RUFY4: variants seen among roughly 807,000 people sequenced by gnomAD.
The protein encoded by RUFY4 is RUN and FYVE domain containing 4.
RUFY4 carries 73 observed loss-of-function variants against 69.0 expected under a neutral mutation model. That is an observed-to-expected ratio of 1.06 (90% CI 0.88 to 1.29). The LOEUF (loss-of-function observed/expected upper bound fraction) is 1.29, where lower values mean the gene tolerates loss of function less well. Ranked by LOEUF, RUFY4 falls within the 50% of genes most tolerant of loss-of-function variation. The probability of loss-of-function intolerance (pLI) is 0.00; values close to 1 mark genes in which losing one functional copy is unlikely to be tolerated. For synonymous variants in RUFY4, 287 were observed against 271.8 expected (o/e 1.06, Z -0.55); for missense variants, 770 against 705.6 (o/e 1.09, Z -1.03).
intron 8 of RUFY4, among the ~76,000 whole-genome samples, chr2:218,081,756 C>G (rs972236496): frequency 2.0e-5 from 3 of 152,202 alleles, no homozygotes; most frequent in Non-Finnish European, 4.4e-5. Flanking sequence ...GGCCCTGCTT[C>G]GTGCCTGAGC....
exon 1 of RUFY4, chr2:218,070,628 T>C: frequency 1.3e-6 from 2 of 1,537,598 alleles, no homozygotes; most frequent in Middle Eastern, 1.7e-4. Context: ...GGAGCCATCC[T>C]CAAGGTCACC....
rs867510482 is a variant in RUFY4, at chr2:218,036,175, C to T, written c.-1158+781C>T. Among the ~76,000 whole-genome samples, 5 of 152,366 alleles carry T rather than the reference C, an allele frequency of 3.3e-5. No individual in the cohort carries two copies. The South Asian group carries it at 8.3e-4, about 25-fold the overall frequency. ...TGGGACAAAGATATTAAACAATTAG[C>T]ACAGTGTCGTCGCCCAGGGACTGCT... On this transcript the variant is annotated intron_variant and NMD_transcript_variant, in intron 2 of 13. Coordinates refer to the RUFY4 transcript ENST00000457754.
At chr2:218,039,487 GA>G (rs1192394727) in intron 2 of RUFY4, among the ~76,000 whole-genome samples, 1 of 152,204 alleles carries the variant, frequency 6.6e-6, no homozygotes, top group Non-Finnish European at 1.5e-5. Flanking sequence ...ACACAAAGAT[GA>G]ATGGAAGAGG....
intron 3 of RUFY4, chr2:218,060,076 A>AT: frequency 1.0e-5 from 3 of 291,010 alleles, no homozygotes; most frequent in South Asian, 2.5e-4. Context: ...ACTTCTTAGA[A>AT]CATAGAGTGC....
chr2:218,089,120 C>A (rs1559440169), intron 9 of RUFY4, 132 bp from the exon 12 acceptor site: 16 of 676,360 alleles, frequency 2.4e-5, no homozygotes, highest in Middle Eastern at 2.5e-4. Flanking sequence ...CCTCCATCAC[C>A]CTCTCTGTCT....
At chr2:218,088,094 G>T (rs1689935186) in intron 9 of RUFY4, among the ~76,000 whole-genome samples, 1 of 152,102 alleles carries the variant, frequency 6.6e-6, no homozygotes, top group African/African-American at 2.4e-5. Context: ...AAAGAGAGGG[G>T]AGGCCTTTTG....
At chr2:218,052,761 C>T (rs1440316081) in intron 2 of RUFY4, among the ~76,000 whole-genome samples, 19 of 148,310 alleles carry the variant, frequency 1.3e-4, no homozygotes, top group African/African-American at 4.5e-4. Flanking sequence ...AAAAAGATAA[C>T]GTCTTGTGTT....
chr2:218,054,615 G>C (rs1204570846), intron 2 of RUFY4, among the ~76,000 whole-genome samples: 1 of 150,076 alleles, frequency 6.7e-6, no homozygotes, highest in Non-Finnish European at 1.5e-5. Context: ...ACTCTAACGA[G>C]AAGAACTGAT....
At chr2:218,040,006 T>C (rs1323808897) in intron 2 of RUFY4, among the ~76,000 whole-genome samples, 1 of 57,574 alleles carries the variant, frequency 1.7e-5, no homozygotes, top group Non-Finnish European at 4.3e-5. Flanking sequence ...GAGGACTCCT[T>C]CTGAAGTCTC....
Position 218,090,286 on chromosome 2 carries a change from G to A in RUFY4, c.*232G>A, listed in dbSNP as rs1690002528. The stretch of plus-strand genomic sequence containing the variant: ...TTTGGCGAAGCTCTCAGTGCTCAGG[G>A]CTTCTTCTCTAATGTTAAGAGTTGG... On this transcript the variant is annotated 3_prime_UTR_variant, in exon 11 of 11. Coordinates refer to ENST00000344321, the Ensembl canonical transcript of RUFY4. The A allele has an allele frequency of 8.5e-6, 3 of 351,360 alleles. No individual in the cohort carries two copies. In the Admixed American group the frequency reaches 1.1e-4, roughly 13 times the overall value. The allele number at this position is 351,360 out of a possible 1,614,324, so 21.8% of individuals were successfully genotyped here.
chr2:218,054,240 C>G (rs898550190), intron 2 of RUFY4, among the ~76,000 whole-genome samples: 9 of 152,156 alleles, frequency 5.9e-5, no homozygotes, highest in Admixed American at 5.9e-4. Flanking sequence ...CTCTTAAATA[C>G]AGGCTTTTAA....
chr2:218,055,224 A>G (rs1425635656), intron 2 of RUFY4, among the ~76,000 whole-genome samples: 1 of 152,088 alleles, frequency 6.6e-6, no homozygotes, highest in Non-Finnish European at 1.5e-5. Context: ...ATGAAACCCC[A>G]TCTCTACTAA....
chr2:218,068,569 C>A (rs957785159), upstream of RUFY4: 1 of 152,808 alleles, frequency 6.5e-6, no homozygotes, highest in Non-Finnish European at 1.5e-5. Context: ...TCCTCCCAGG[C>A]CCCTGCTCCT....
exon 2 of RUFY4, chr2:218,070,790 G>A (rs926553346): frequency 1.3e-6 from 2 of 1,537,054 alleles, no homozygotes; most frequent in African/African-American, 2.7e-5. Flanking sequence ...ATGGGGATGG[G>A]CAGGGGCCAG....
At chr2:218,074,476 TG>T (rs1164540537) in intron 6 of RUFY4, among the ~76,000 whole-genome samples, 3 of 152,100 alleles carry the variant, frequency 2.0e-5, no homozygotes, top group African/African-American at 7.2e-5. Context: ...AAGCACATTT[TG>T]CACCCCCACC....
chr2:218,067,160 T>C (rs1297597551), upstream of RUFY4, among the ~76,000 whole-genome samples: 3 of 152,230 alleles, frequency 2.0e-5, no homozygotes, highest in Admixed American at 2.0e-4. Context: ...AAGTTAGTCG[T>C]GGCCCCACTT....
rs60743553 is a variant in RUFY4 at position 218,060,830 on chromosome 2, A to C, written c.-1071+2149A>C. The C allele has an allele frequency of 0.022, 34,208 of 1,574,804 alleles. 4,310 individuals are homozygous for C. In the African/African-American group the frequency reaches 0.33, roughly 15 times the overall value. On this transcript the variant is annotated intron_variant and NMD_transcript_variant, in intron 3 of 13. Transcript: ENST00000457754. ...TTGCTGTATTGTTGCCCATGTCCTC[A>C]TAGCAGACTGGGCTAACATTGGATG...
upstream of RUFY4, among the ~76,000 whole-genome samples, chr2:218,065,955 C>A (rs1213430012): frequency 1.3e-5 from 2 of 151,932 alleles, no homozygotes; most frequent in African/African-American, 4.8e-5. Context: ...CAGCCACTGG[C>A]CTAGCAGCCT....
chr2:218,042,457 G>C lies in RUFY4; in HGVS notation c.-1158+7063G>C, dbSNP rs1466798213. ...AAAGAAAAACAGAAGTTAATATTTC[G>C]AGCAAAGTATGGTCTTAGTTTTTTA... On this transcript the variant is annotated intron_variant and NMD_transcript_variant, in intron 2 of 13. Coordinates refer to the RUFY4 transcript ENST00000457754. 2.6e-5 allele frequency among the ~76,000 whole-genome samples: 4 copies of C among 152,166 alleles called. No homozygotes were observed. In the South Asian group the frequency reaches 8.3e-4, roughly 32 times the overall value.
Sources: allele counts gnomAD v4.1 joint callset (sites outside exome capture counted in the v4.1 genomes callset), GRCh38; gene constraint gnomAD v4.1.1; transcripts MANE v1.5; gene names NCBI Gene and HGNC (gene_info 2026-07-23, HGNC 2026-07-21).